Variants in LAMA5 observed in about 807,000 individuals in gnomAD.
The protein encoded by LAMA5 is laminin subunit alpha-5.
Under a neutral mutation model 433.4 loss-of-function variants are expected in LAMA5, and 260 were observed. The observed-to-expected ratio is 0.60, with a 90% CI of 0.54 to 0.66. The LOEUF is 0.66. LAMA5 is among the 30% of genes least tolerant of loss of function. The probability of loss-of-function intolerance (pLI) is 0.00; values close to 1 mark genes in which losing one functional copy is unlikely to be tolerated. For missense variants in LAMA5, 5,378 were observed against 5,258.5 expected, an observed-to-expected ratio of 1.02 and a Z score of -0.70; for synonymous variants, 2,620 against 2,226.6, an observed-to-expected ratio of 1.18 and a Z score of -4.97.
intron 47 of LAMA5, 26 bp from the exon 48 acceptor site, chr20:62,322,194 T>G (rs750787137): frequency 6.3e-7 from 1 of 1,576,500 alleles, no homozygotes; most frequent in Non-Finnish European, 8.6e-7. Context: ...TGGGTGAGCA[T>G]GGCTGGCCTG....
At chr20:62,326,235 A>C (rs869123578) in intron 40 of LAMA5, among the ~76,000 whole-genome samples, 1 of 23,164 alleles carries the variant, frequency 4.3e-5, no homozygotes, top group African/African-American at 9.2e-5. Flanking sequence ...AAACAAACAA[A>C]AAAAAAAAAA....
chr20:62,337,061 C>G, intron 16 of LAMA5: 1 of 645,032 alleles, frequency 1.6e-6, no homozygotes, highest in Non-Finnish European at 2.9e-6. Flanking sequence ...GTGTGACACA[C>G]GTCTGAACAA....
rs544250191 is a variant in LAMA5 at position 62,330,310 on chromosome 20, G to A, written c.3979+178C>T. 2.2e-4 allele frequency among the ~76,000 whole-genome samples: 34 copies of A among 152,382 alleles called. No individual in the cohort carries two copies. The East Asian group carries it at 6.0e-3, about 27-fold the overall frequency. On this transcript the variant is annotated intron_variant, in intron 31 of 79. Transcript: ENST00000252999. ...AGAGGCGAGACCCAGGCTTTTCTGGGAACGGGAGCGGGCGGGTAGGGGCTG... is the reference window on the plus strand; with the variant it reads ...AGAGGCGAGACCCAGGCTTTTCTGGAAACGGGAGCGGGCGGGTAGGGGCTG...
Position 62,311,516 on chromosome 20 carries a change from A to G in LAMA5, c.9827T>C (p.Val3276Ala). ...GCCCAGGTTCTGCTGCAGATCAAAT[A>G]CGCGCTGTGGGCCCAGGAGCCTGTG... is the stretch of plus-strand genomic sequence containing the variant. ...FVQRLLGPQR[V>A]FDLQQNLGSV... Residue 3276 changes from valine to alanine, a missense_variant, in exon 72 of 80, where the codon GTA (valine) becomes GCA (alanine). Physicochemically the swap from Val to Ala is moderately conservative, Grantham distance 64. Coordinates refer to ENST00000252999, the MANE Select transcript of LAMA5 (RefSeq NM_005560.6). 1.2e-5 allele frequency: 19 copies of G among 1,611,138 alleles called. No individual in the cohort carries two copies. The highest frequency in any genetic ancestry group is 1.6e-5 in the Non-Finnish European group (19 of 1,179,060).
At chr20:62,323,956 C>T (rs904742919) in intron 43 of LAMA5, 100 bp from the exon 44 acceptor site, 1 of 1,432,668 alleles carries the variant, frequency 7.0e-7, no homozygotes, top group African/African-American at 1.4e-5. Context: ...GCGTCGGGGG[C>T]CCAGACCTCA....
rs1986281382 is a variant in LAMA5, at chr20:62,311,600, C to A, written c.9806+14G>T. 6.2e-7 allele frequency: 1 copy of A among 1,607,548 alleles called. No homozygotes were observed. Among genetic ancestry groups the A allele is most frequent in the African/African-American group, 1.3e-5 (1 of 74,972 alleles). ...CCAGCTGGGACCTTGTCCCCCAGCG[C>A]CCACCAGGCTCACCGCTGCACGAAG... On this transcript the variant is annotated intron_variant, in intron 71 of 79. Transcript: ENST00000252999.
intron 52 of LAMA5, 49 bp from the exon 53 acceptor site, chr20:62,318,699 C>T: frequency 1.3e-6 from 2 of 1,592,550 alleles, no homozygotes; most frequent in Non-Finnish European, 8.6e-7. Flanking sequence ...CAGGCCCCTT[C>T]ATGACCCCTG....
At chr20:62,365,268 A>T (rs631664) in intron 1 of LAMA5, among the ~76,000 whole-genome samples, 1 of 152,232 alleles carries the variant, frequency 6.6e-6, no homozygotes, top group Non-Finnish European at 1.5e-5. Context: ...AACTGTGGCC[A>T]CTTCCCAGGC....
At chr20:62,319,943 T>C in intron 50 of LAMA5, 148 bp from the exon 51 acceptor site, 1 of 554,146 alleles carries the variant, frequency 1.8e-6, no homozygotes, top group East Asian at 2.8e-5. Flanking sequence ...ACTTGTTATT[T>C]ATCACTTGTT....
Position 62,328,372 on chromosome 20 carries a change from G to A in LAMA5, c.4521C>T (p.Pro1507=), listed in dbSNP as rs753896689. 1.7e-5 allele frequency: 27 copies of A among 1,578,232 alleles called. No individual in the cohort carries two copies. Among genetic ancestry groups the A allele is most frequent in the Middle Eastern group, 1.7e-4 (1 of 5,984 alleles). Residue 1507 remains proline, a synonymous_variant, in exon 35 of 80, where the codon CCC becomes CCT. Coordinates refer to ENST00000252999, the MANE Select transcript of LAMA5 (RefSeq NM_005560.6). ...QCICPPRTIP[P]DCLLCQPQTF... The stretch of plus-strand genomic sequence containing the variant: ...TCTGGGGCTGGCACAGCAGGCAGTC[G>A]GGCGGGATGGTGCGTGGCGGGCAGA...
chr20:62,325,278 G>T, intron 41 of LAMA5, 38 bp downstream of exon 41: 2 of 1,401,662 alleles, frequency 1.4e-6, no homozygotes, highest in East Asian at 2.4e-5. Flanking sequence ...GTGTGCACAG[G>T]TGAGCCGCCT....
chr20:62,352,393 A>G (rs769974722), intron 3 of LAMA5, 33 bp from the exon 4 acceptor site: 2 of 1,550,256 alleles, frequency 1.3e-6, no homozygotes, highest in Non-Finnish European at 1.8e-6. Flanking sequence ...AGGGCGCTGG[A>G]TCACCAGAAA....
At position 62,362,429 on chromosome 20, in the gene LAMA5, C is replaced by G; in HGVS notation, c.421G>C (p.Glu141Gln). The change falls in exon 2 of 80, where the codon GAG (glutamate) becomes CAG (glutamine). Residue 141 changes from glutamate to glutamine, a missense_variant. Physicochemically the swap from Glu to Gln is conservative, Grantham distance 29 (BLOSUM62 2). Transcript: ENST00000252999. ...CCCAGGTCCAGGGTGACGTTGACCT[C>G]GTTGTACTCCAGGCCGCGGGACAGC... ...PPLSRGLEYNEVNVTLDLGQV... is the reference protein window; with the variant it reads ...PPLSRGLEYNQVNVTLDLGQV... 6.3e-7 allele frequency: 1 copy of G among 1,576,878 alleles called. No homozygotes were observed. The highest frequency in any genetic ancestry group is 1.1e-5 in the South Asian group (1 of 87,468).
chr20:62,323,705 C>T lies in LAMA5; in HGVS notation c.5850-35G>A, dbSNP rs200873424. The T allele has an allele frequency of 1.5e-4, 234 of 1,592,948 alleles. No individual in the cohort carries two copies. The East Asian group carries it at 4.1e-3, about 28-fold the overall frequency. On this transcript the variant is annotated intron_variant, in intron 44 of 79. Coordinates refer to ENST00000252999, the MANE Select transcript of LAMA5 (RefSeq NM_005560.6). Reference sequence around the variant, plus strand: ...GGGTGGGGAGGGGCCGTCAGTGGCCCGTGGCGCCCACCCTCGCATATCCTG... The same window carrying T: ...GGGTGGGGAGGGGCCGTCAGTGGCCTGTGGCGCCCACCCTCGCATATCCTG...
chr20:62,353,087 G>T, intron 3 of LAMA5, 47 bp downstream of exon 3: 1 of 1,395,482 alleles, frequency 7.2e-7, no homozygotes. Context: ...GCCTGCCCAG[G>T]GACCCCCCTG....
chr20:62,312,212 G>T lies in LAMA5; in HGVS notation c.9465C>A (p.Ser3155Arg). ...AGTAGAGCAGGGCACTGTCCTGGGCGCTGTGGAAGCCGAAGCCGGAGTAGA... is the reference window on the plus strand; with the variant it reads ...AGTAGAGCAGGGCACTGTCCTGGGCTCTGTGGAAGCCGAAGCCGGAGTAGA... ...GNVYSGFGFH[S>R]AQDSALLYYR... The change falls in exon 69 of 80, where the codon AGC (serine) becomes AGA (arginine). Residue 3155 changes from serine (S) to arginine (R), a missense_variant. Transcript: ENST00000252999. 1 of 1,610,420 alleles carries T rather than the reference G, an allele frequency of 6.2e-7. No individual in the cohort carries two copies. The highest frequency in any genetic ancestry group is 8.5e-7 in the Non-Finnish European group (1 of 1,179,148).
intron 52 of LAMA5, 26 bp from the exon 53 acceptor site, chr20:62,318,676 T>C: frequency 6.2e-7 from 1 of 1,605,048 alleles, no homozygotes; most frequent in East Asian, 2.2e-5. Context: ...GTGAGGGTGG[T>C]CACTCTGGAA....
At chr20:62,346,264 G>A in intron 9 of LAMA5, 49 bp from the exon 10 acceptor site, 2 of 1,580,996 alleles carry the variant, frequency 1.3e-6, no homozygotes, top group South Asian at 1.1e-5. Context: ...AGGACTCAAG[G>A]GGTGGGCTCC....
At position 62,324,849 on chromosome 20, in the gene LAMA5, C is replaced by T. The variant is rs1432627699; in HGVS notation, c.5530-295G>A. On this transcript the variant is annotated intron_variant, in intron 41 of 79. Transcript: ENST00000252999. This position sits in a 1 kb window ranked among gnomAD's most constrained non-coding sequence, Gnocchi z 4.4. ...CCACCCACTCCATGTGGACCAGGGC[C>T]TACTCTTTCCACTCCTTCTAGGAGG... The T allele has an allele frequency of 2.1e-6, 1 of 484,492 alleles. No homozygotes were observed. The highest frequency in any genetic ancestry group is 3.8e-6 in the Non-Finnish European group (1 of 265,010). The allele number at this position is 484,492 out of a possible 1,614,324, so 30.0% of individuals were successfully genotyped here. A position where few individuals can be genotyped will look rare whatever the true frequency, so the allele number is the denominator to read the frequency against.
Sources: allele counts gnomAD v4.1 joint callset (sites outside exome capture counted in the v4.1 genomes callset), GRCh38; gene constraint gnomAD v4.1.1; non-coding constraint Gnocchi (gnomAD v3.1); transcripts MANE v1.5; gene names NCBI Gene and HGNC (gene_info 2026-07-23, HGNC 2026-07-21).